Variants in ZDHHC15 observed in about 807,000 individuals in gnomAD.
The protein encoded by ZDHHC15 is zDHHC palmitoyltransferase 15, also known as palmitoyltransferase ZDHHC15.
A neutral mutation model predicts 31.7 loss-of-function variants in ZDHHC15; 19 were observed. The observed-to-expected ratio is 0.60, with a 90% CI of 0.42 to 0.88. The LOEUF (loss-of-function observed/expected upper bound fraction) is 0.88, where lower values mean the gene tolerates loss of function less well. Among genes scored for constraint, ZDHHC15 ranks in the 40% least tolerant of loss-of-function variants. The pLI, the probability that ZDHHC15 is intolerant of heterozygous loss-of-function variation, is 0.00. For missense variants in ZDHHC15, 209 were observed against 251.2 expected (o/e 0.83, Z 1.14); for synonymous variants, 103 against 90.0 (o/e 1.14, Z -0.82).
chrX:75,419,587 T>C (rs2083596548), intron 9 of ZDHHC15, among the ~76,000 whole-genome samples: 1 of 110,934 alleles, frequency 9.0e-6, no homozygotes. Flanking sequence ...GACCCAGCCA[T>C]CCCATTACTG....
Position 75,429,068 on chromosome X carries a change from T to A in ZDHHC15, c.603+10A>T. 1 of 1,207,388 alleles carries A rather than the reference T, an allele frequency of 8.3e-7. No homozygotes were observed. On this transcript the variant is annotated intron_variant, in intron 7 of 11. Coordinates refer to ENST00000373367, the MANE Select transcript of ZDHHC15 (RefSeq NM_144969.3). ...GTTCTAGGGGACCCTTCAGGATATT[T>A]TTAACTTACTCTCCAGTATTTGATG...
chrX:75,495,009 G>A (rs747511559), intron 2 of ZDHHC15, among the ~76,000 whole-genome samples: 2 of 111,414 alleles, frequency 1.8e-5, no homozygotes, highest in East Asian at 5.7e-4. Flanking sequence ...CTACAGAATG[G>A]GAGAAAAGTT....
intron 10 of ZDHHC15, among the ~76,000 whole-genome samples, chrX:75,393,786 T>A (rs924846145): frequency 7.2e-5 from 8 of 111,568 alleles, no homozygotes; most frequent in African/African-American, 2.6e-4. Context: ...TATGAGTTTA[T>A]TAAGTATTAT....
Position 75,372,199 on chromosome X carries a change from A to C in ZDHHC15, c.*779T>G, listed in dbSNP as rs2083011448. 1 of 112,145 alleles carries C rather than the reference A, an allele frequency of 8.9e-6. No homozygotes were observed. The highest frequency in any genetic ancestry group is 3.7e-4 in the South Asian group (1 of 2,714). The allele number at this position is 112,145 out of a possible 1,213,427, so 9.2% of individuals were successfully genotyped here. On this transcript the variant is annotated 3_prime_UTR_variant, in exon 12 of 12. Transcript: ENST00000373367. Reference sequence around the variant, plus strand: ...GGAGAATTTTACTGCACCCTGACAAAAAAGTCTTTAAAAAACACTGGTTAT... The same window carrying C: ...GGAGAATTTTACTGCACCCTGACAACAAAGTCTTTAAAAAACACTGGTTAT...
At chrX:75,496,247 A>C (rs919539767) in intron 2 of ZDHHC15, among the ~76,000 whole-genome samples, 5 of 111,919 alleles carry the variant, frequency 4.5e-5, no homozygotes, top group African/African-American at 1.6e-4. Context: ...ACAAATTTAA[A>C]AAAGACAAAG....
chrX:75,493,928 G>C (rs1032800468), intron 2 of ZDHHC15, among the ~76,000 whole-genome samples: 4 of 111,446 alleles, frequency 3.6e-5, no homozygotes, highest in Non-Finnish European at 7.5e-5. Flanking sequence ...GGAAATTCTG[G>C]CCAGGGCAAT....
At chrX:75,443,507 T>C (rs976071130) in intron 4 of ZDHHC15, among the ~76,000 whole-genome samples, 1 of 111,767 alleles carries the variant, frequency 8.9e-6, no homozygotes, top group Non-Finnish European at 1.9e-5. Context: ...CCTAAAACCA[T>C]AAAAACCCTA....
chrX:75,485,739 G>T (rs924684377), intron 2 of ZDHHC15, among the ~76,000 whole-genome samples: 2 of 111,743 alleles, frequency 1.8e-5, no homozygotes, highest in Non-Finnish European at 3.8e-5. Context: ...AAATTAAAAC[G>T]TGATGTATAC....
intron 10 of ZDHHC15, among the ~76,000 whole-genome samples, chrX:75,380,570 AT>A (rs1264435281): frequency 1.8e-5 from 2 of 111,596 alleles, no homozygotes; most frequent in Non-Finnish European, 3.8e-5. Flanking sequence ...TGAAAACCCA[AT>A]TATCAACTTT....
chrX:75,513,360 C>A (rs780737752), intron 1 of ZDHHC15, among the ~76,000 whole-genome samples: 1 of 111,854 alleles, frequency 8.9e-6, no homozygotes, highest in South Asian at 3.7e-4. Flanking sequence ...TTACATCCCT[C>A]CTCAAAAGCA....
At chrX:75,429,901 G>A (rs1665474826) in intron 6 of ZDHHC15, 47 bp downstream of exon 6, 1 of 1,167,051 alleles carries the variant, frequency 8.6e-7, no homozygotes, top group African/African-American at 1.8e-5. Flanking sequence ...ATATAATTGA[G>A]CAACTTTGAC....
chrX:75,489,493 A>G (rs139765515), intron 2 of ZDHHC15, among the ~76,000 whole-genome samples: 1,542 of 111,775 alleles, frequency 0.014, 19 homozygotes, highest in African/African-American at 0.048. Flanking sequence ...TCTAGAGTGG[A>G]CCTCCTGAAA....
chrX:75,491,947 A>G (rs2084903481), intron 2 of ZDHHC15, among the ~76,000 whole-genome samples: 1 of 111,676 alleles, frequency 9.0e-6, no homozygotes, highest in African/African-American at 3.3e-5. Flanking sequence ...AACAATATTA[A>G]CCTTAAATGT....
intron 4 of ZDHHC15, among the ~76,000 whole-genome samples, chrX:75,441,260 C>A (rs886447836): frequency 8.9e-6 from 1 of 111,991 alleles, no homozygotes; most frequent in Non-Finnish European, 1.9e-5. Context: ...TTCCTTCTCT[C>A]TGTGGCTGTT....
intron 2 of ZDHHC15, among the ~76,000 whole-genome samples, chrX:75,493,395 C>T (rs2084933087): frequency 9.0e-6 from 1 of 111,668 alleles, no homozygotes; most frequent in African/African-American, 3.3e-5. Flanking sequence ...CTATTCCAAT[C>T]AATAGAAAAA....
At chrX:75,420,661 G>A (rs1602596155) in intron 9 of ZDHHC15, among the ~76,000 whole-genome samples, 1 of 111,006 alleles carries the variant, frequency 9.0e-6, no homozygotes, top group Admixed American at 9.7e-5. Context: ...ACAGGGACAT[G>A]GATGAAGCTA....
chrX:75,516,389 T>C, intron 1 of ZDHHC15, among the ~76,000 whole-genome samples: 1 of 111,907 alleles, frequency 8.9e-6, no homozygotes, highest in African/African-American at 3.2e-5. Flanking sequence ...AAAAAAGATA[T>C]ATAGACCAAT....
At chrX:75,422,668 G>T (rs958655106) in intron 8 of ZDHHC15, among the ~76,000 whole-genome samples, 2 of 111,236 alleles carry the variant, frequency 1.8e-5, no homozygotes, top group African/African-American at 3.3e-5. Context: ...TTTGTTTTCA[G>T]ACTCTGTTAT....
chrX:75,393,904 A>T (rs1209575057), intron 10 of ZDHHC15, among the ~76,000 whole-genome samples: 1 of 111,955 alleles, frequency 8.9e-6, no homozygotes, highest in Non-Finnish European at 1.9e-5. Flanking sequence ...GGCATGAAGC[A>T]TCCAGCATGG....
Sources: gnomAD v4.1 joint callset for allele counts (sites outside exome capture counted in the v4.1 genomes callset) on GRCh38, gnomAD v4.1.1 for gene constraint, MANE v1.5 for transcripts, NCBI Gene and HGNC (gene_info 2026-07-23, HGNC 2026-07-21) for gene names.